Variants in TMEM67 observed in about 807,000 individuals in gnomAD.
The protein encoded by TMEM67 is transmembrane protein 67, also known as meckelin.
TMEM67 carries 124 observed loss-of-function variants against 136.6 expected under a neutral mutation model. The observed-to-expected ratio is 0.91, with a 90% CI of 0.78 to 1.05. The LOEUF (loss-of-function observed/expected upper bound fraction) is 1.05. Ranked by LOEUF, TMEM67 falls within the 50% of genes least tolerant of loss-of-function variation. The pLI is 0.00. For missense variants in TMEM67, 1,107 were observed against 1,178.4 expected, an observed-to-expected ratio of 0.94 and a Z score of 0.89; for synonymous variants, 364 against 390.5, an observed-to-expected ratio of 0.93 and a Z score of 0.80.
At chr8:93,777,230 A>T (rs1428805379) in intron 7 of TMEM67, among the ~76,000 whole-genome samples, 2 of 150,656 alleles carry the variant, frequency 1.3e-5, no homozygotes, top group African/African-American at 2.5e-5. Context: ...CGTCTATTTG[A>T]TTCTTCTCTC....
intron 26 of TMEM67, 100 bp downstream of exon 26, chr8:93,809,987 T>TC (rs1808637075): frequency 1.6e-5 from 11 of 667,994 alleles, no homozygotes; most frequent in Middle Eastern, 4.2e-4. Context: ...TTTTTTTTTT[T>TC]AGACGGCGTC....
Position 93,791,340 on chromosome 8 carries a change from T to C in TMEM67, c.1575+21T>C, listed in dbSNP as rs771802499. ...CAGATGTAAGTTTATTTTAACCTTT[T>C]AAAATATATACAGTGTATTTTATAA... On this transcript the variant is annotated intron_variant, in intron 15 of 27. Coordinates refer to ENST00000453321, the MANE Select transcript of TMEM67 (RefSeq NM_153704.6). 5 of 1,491,626 alleles carry C rather than the reference T, an allele frequency of 3.4e-6. No individual in the cohort carries two copies. In the Admixed American group the frequency reaches 6.7e-5, roughly 20 times the overall value. The allele number at this position is 1,491,626 out of a possible 1,614,324, so 92.4% of individuals were successfully genotyped here. A position where few individuals can be genotyped will look rare whatever the true frequency, so the allele number is the denominator to read the frequency against.
chr8:93,769,658 A>G (rs764314301), intron 6 of TMEM67: 2 of 167,124 alleles, frequency 1.2e-5, no homozygotes, highest in African/African-American at 2.4e-5. Context: ...ACCCTTGCCT[A>G]GTCTCAGTTT....
chr8:93,800,363 G>A (rs566160299), intron 21 of TMEM67, among the ~76,000 whole-genome samples: 6 of 152,116 alleles, frequency 3.9e-5, no homozygotes, highest in Non-Finnish European at 7.4e-5. Context: ...CTCATTGAGA[G>A]TAGAAAATAC....
At chr8:93,776,563 G>C (rs557494771) in intron 7 of TMEM67, among the ~76,000 whole-genome samples, 2 of 152,134 alleles carry the variant, frequency 1.3e-5, no homozygotes, top group Non-Finnish European at 2.9e-5. Flanking sequence ...TAGCATGAAG[G>C]GCTGTTGAAT....
At chr8:93,809,197 A>G in intron 25 of TMEM67, 36 bp downstream of exon 25, 1 of 1,265,056 alleles carries the variant, frequency 7.9e-7, no homozygotes, top group Non-Finnish European at 1.2e-6. Flanking sequence ...AGCTGGGATC[A>G]AATGCAATTT....
In TMEM67 at chr8:93,776,716, T is replaced by C. The variant is rs112171061; in HGVS notation, c.715-3877T>C. Among the ~76,000 whole-genome samples, 654 of 152,356 alleles carry C rather than the reference T, an allele frequency of 4.3e-3. 4 individuals carry two copies. The highest frequency in any genetic ancestry group is 0.015 in the African/African-American group (634 of 41,580). On this transcript the variant is annotated intron_variant, in intron 7 of 27. Transcript: ENST00000453321. ...AGGGATGAAGTCAGCTTGATCGTGTTGGATAAGCTTTTTGATGTGTTGCTG... is the reference window on the plus strand; with the variant it reads ...AGGGATGAAGTCAGCTTGATCGTGTCGGATAAGCTTTTTGATGTGTTGCTG...
Position 93,799,703 on chromosome 8 carries a change from G to A in TMEM67, c.2186G>A (p.Cys729Tyr). The stretch of plus-strand genomic sequence containing the variant: ...CCTAGCTACATAGCTCCTTATAGCT[G>A]CATTTTGAGATATGCAGTGTCTGCT... ...NPPSYIAPYSCILRYAVSAAL... is the reference protein window; with the variant it reads ...NPPSYIAPYSYILRYAVSAAL... The change falls in exon 21 of 28, where the codon TGC (cysteine) becomes TAC (tyrosine). Residue 729 changes from cysteine (C) to tyrosine (Y), a missense_variant. Physicochemically the swap from Cys to Tyr is radical, Grantham distance 194 (BLOSUM62 -2). This residue lies in a region of TMEM67 where 925 missense variants were observed against 1,002.4 expected (regional missense o/e 0.92). Coordinates refer to ENST00000453321, the MANE Select transcript of TMEM67 (RefSeq NM_153704.6). 2 of 1,613,458 alleles carry A rather than the reference G, an allele frequency of 1.2e-6. No individual in the cohort carries two copies. The highest frequency in any genetic ancestry group is 1.1e-5 in the South Asian group (1 of 91,072).
rs570652277 is a variant in TMEM67, at chr8:93,817,842, A to G, written c.*1390A>G. 2 of 152,336 alleles carry G rather than the reference A, an allele frequency of 1.3e-5. No individual in the cohort carries two copies. The highest frequency in any genetic ancestry group is 1.9e-4 in the East Asian group (1 of 5,190). 9.4% of individuals were successfully genotyped at this position (152,336 alleles called of 1,614,324 possible). ...TGCAGTTTCTGAAGGATCACAGTAC[A>G]GGAATGCCTTTATAAAAGCTGCAGA... On this transcript the variant is annotated 3_prime_UTR_variant, in exon 28 of 28. Transcript: ENST00000453321.
chr8:93,756,554 T>C (rs928594830), intron 2 of TMEM67: 5 of 152,208 alleles, frequency 3.3e-5, no homozygotes, highest in African/African-American at 1.2e-4. Flanking sequence ...AGTTATCAAT[T>C]GTCCCAATTT....
At chr8:93,778,271 G>A (rs1813650289) in intron 7 of TMEM67, among the ~76,000 whole-genome samples, 1 of 152,148 alleles carries the variant, frequency 6.6e-6, no homozygotes, top group Admixed American at 6.5e-5. Flanking sequence ...TGGGTCTCCT[G>A]AATACAGCAC....
intron 7 of TMEM67, among the ~76,000 whole-genome samples, chr8:93,774,007 T>C (rs1813429370): frequency 6.6e-6 from 1 of 151,996 alleles, no homozygotes; most frequent in African/African-American, 2.4e-5. Context: ...AAATTATTAG[T>C]AAAATAGGTT....
intron 3 of TMEM67, chr8:93,758,856 C>G (rs912065066): frequency 1.1e-5 from 4 of 368,500 alleles, no homozygotes; most frequent in Non-Finnish European, 2.0e-5. Flanking sequence ...GCCTCAGCCT[C>G]CTAAAGTGCT....
intron 16 of TMEM67, 42 bp downstream of exon 16, chr8:93,793,338 A>G: frequency 6.6e-7 from 1 of 1,504,082 alleles, no homozygotes; most frequent in Non-Finnish European, 9.3e-7. Flanking sequence ...TTATCTTTTG[A>G]CCATTCTGGA....
chr8:93,785,947 G>A, intron 12 of TMEM67: 1 of 414,338 alleles, frequency 2.4e-6, no homozygotes, highest in Non-Finnish European at 4.5e-6. Flanking sequence ...GTGCACCCTT[G>A]TAGTCCCAGC....
intron 26 of TMEM67, among the ~76,000 whole-genome samples, chr8:93,815,099 A>G (rs141237241): frequency 7.9e-5 from 12 of 152,356 alleles, no homozygotes; most frequent in Non-Finnish European, 1.5e-4. Flanking sequence ...ACTGCTTTTT[A>G]GAAGTTTTTA....
downstream of TMEM67, among the ~76,000 whole-genome samples, chr8:93,821,551 T>C (rs1809041162): frequency 6.6e-6 from 1 of 152,124 alleles, no homozygotes; most frequent in Non-Finnish European, 1.5e-5. Flanking sequence ...CCCAAAGCAC[T>C]AGGATTACAC....
At chr8:93,831,523 A>G in the TMEM67 span, among the ~76,000 whole-genome samples, 3 of 152,234 alleles carry the variant, frequency 2.0e-5, no homozygotes, top group African/African-American at 4.8e-5. Flanking sequence ...CCATTCGCCA[A>G]TCTTCCAACC....
At chr8:93,810,094 A>G (rs1808642341) in intron 26 of TMEM67, 1 of 384,556 alleles carries the variant, frequency 2.6e-6, no homozygotes. Flanking sequence ...TCAGCTTCCC[A>G]AGTAGCTGGG....
Sources: allele counts gnomAD v4.1 joint callset (sites outside exome capture counted in the v4.1 genomes callset), GRCh38; gene constraint gnomAD v4.1.1; regional missense constraint gnomAD v4.1.1; transcripts MANE v1.5; gene names NCBI Gene and HGNC (gene_info 2026-07-23, HGNC 2026-07-21).